Variants in RBFOX1 observed in about 807,000 individuals in gnomAD.
RBFOX1 encodes RNA binding fox-1 homolog 1.
A neutral mutation model predicts 57.7 loss-of-function variants in RBFOX1; 8 were observed. The ratio of observed to expected loss-of-function variants is 0.14; its 90% CI spans 0.08 to 0.25. RBFOX1 has a LOEUF of 0.25. RBFOX1 is among the 10% of genes least tolerant of loss of function. The probability of loss-of-function intolerance (pLI) is 1.00; values close to 1 mark genes in which losing one functional copy is unlikely to be tolerated. For synonymous variants in RBFOX1, 326 were observed against 222.4 expected (o/e 1.47, Z -4.15); for missense variants, 611 against 548.5 (o/e 1.11, Z -1.14).
At chr16:6,529,716 G>C (rs756617759) in intron 2 of RBFOX1, among the ~76,000 whole-genome samples, 45 of 152,086 alleles carry the variant, frequency 3.0e-4, no homozygotes, top group Non-Finnish European at 5.9e-5. Flanking sequence ...TAATTGCATA[G>C]ACTCCACAAC....
chr16:6,859,152 T>TATACATATAC (rs1491258507), intron 3 of RBFOX1, among the ~76,000 whole-genome samples: 1 of 77,142 alleles, frequency 1.3e-5, no homozygotes, highest in African/African-American at 6.6e-5. Context: ...TATATATATA[T>TATACATATAC]GTATATATAT....
chr16:7,612,284 G>A (rs570747943), intron 10 of RBFOX1, among the ~76,000 whole-genome samples: 1 of 134,654 alleles, frequency 7.4e-6, no homozygotes, highest in African/African-American at 3.0e-5. Context: ...TCGCGCCACT[G>A]CACTCCAGCC....
chr16:7,221,158 C>T (rs2092697910), intron 4 of RBFOX1, among the ~76,000 whole-genome samples: 1 of 152,032 alleles, frequency 6.6e-6, no homozygotes, highest in Admixed American at 6.6e-5. Flanking sequence ...TCTATAATAT[C>T]TCCCTGTGTA....
intron 2 of RBFOX1, among the ~76,000 whole-genome samples, chr16:6,362,437 G>A (rs2088740985): frequency 2.0e-5 from 3 of 152,250 alleles, no homozygotes; most frequent in South Asian, 2.1e-4. Context: ...TCAGGGGTTC[G>A]GAGACTTAGG....
chr16:6,567,388 G>C (rs572279204), intron 2 of RBFOX1, among the ~76,000 whole-genome samples: 3 of 152,122 alleles, frequency 2.0e-5, no homozygotes, highest in South Asian at 2.1e-4. Context: ...GCTCAGGTTC[G>C]TTTGGTCTTT....
At chr16:7,096,644 G>C (rs1460815019) in intron 4 of RBFOX1, among the ~76,000 whole-genome samples, 2 of 151,858 alleles carry the variant, frequency 1.3e-5, no homozygotes, top group Admixed American at 1.3e-4. Context: ...AGTAAAACGG[G>C]GACTGAGTTG....
intron 3 of RBFOX1, among the ~76,000 whole-genome samples, chr16:7,029,507 G>A (rs946112521): frequency 6.6e-6 from 1 of 151,876 alleles, no homozygotes; most frequent in African/African-American, 2.4e-5. Flanking sequence ...TGGTGAAGCA[G>A]AATGAAGAGA....
At chr16:7,402,232 A>G (rs1018022805) in intron 4 of RBFOX1, among the ~76,000 whole-genome samples, 2 of 152,246 alleles carry the variant, frequency 1.3e-5, no homozygotes, top group African/African-American at 4.8e-5. Context: ...CTGAAGACTC[A>G]CCTGTAAGGG....
chr16:6,344,090 CTGT>C (rs2084955454), intron 2 of RBFOX1, among the ~76,000 whole-genome samples: 3 of 152,186 alleles, frequency 2.0e-5, no homozygotes. Context: ...ATCATGGAAA[CTGT>C]TGTTGGAGGA....
chr16:6,488,583 C>T (rs893250899), intron 2 of RBFOX1, among the ~76,000 whole-genome samples: 36 of 152,110 alleles, frequency 2.4e-4, no homozygotes, highest in Admixed American at 2.3e-3. Context: ...AGTGATTAGA[C>T]TGCAAATTTT....
At chr16:7,195,849 A>G (rs115025944) in intron 4 of RBFOX1, among the ~76,000 whole-genome samples, 1,764 of 152,216 alleles carry the variant, frequency 0.012, 37 homozygotes, top group African/African-American at 0.04. Context: ...CACTGTGCCC[A>G]GCTCGATGCT....
At chr16:5,642,051 G>T (rs2048895167) in intron 3 of RBFOX1, among the ~76,000 whole-genome samples, 2 of 152,200 alleles carry the variant, frequency 1.3e-5, no homozygotes, top group Non-Finnish European at 2.9e-5. Flanking sequence ...TGAGGAGCAA[G>T]ACTGGGAGGA....
At chr16:6,758,808 A>G (rs1236808653) in intron 3 of RBFOX1, among the ~76,000 whole-genome samples, 2 of 152,166 alleles carry the variant, frequency 1.3e-5, no homozygotes, top group Admixed American at 6.5e-5. Context: ...TCTCTTAGAA[A>G]TTTCTTAAAA....
At chr16:6,023,811 A>G (rs1234903119) in intron 1 of RBFOX1, among the ~76,000 whole-genome samples, 1 of 152,178 alleles carries the variant, frequency 6.6e-6, no homozygotes, top group African/African-American at 2.4e-5. Context: ...TCAAACACCG[A>G]GGCGACGTTT....
chr16:7,470,288 C>G (rs182960965), intron 4 of RBFOX1, among the ~76,000 whole-genome samples: 138 of 152,292 alleles, frequency 9.1e-4, no homozygotes, highest in Admixed American at 1.6e-3. Context: ...TGCAGGTGCC[C>G]TGCCAGTAAG....
At chr16:6,978,565 C>T (rs2087755105) in intron 3 of RBFOX1, among the ~76,000 whole-genome samples, 1 of 131,768 alleles carries the variant, frequency 7.6e-6, no homozygotes, top group African/African-American at 2.8e-5. Flanking sequence ...CATAGAGCCC[C>T]TTTCTCCTTT....
At chr16:5,833,979 C>T (rs1243513843) in intron 3 of RBFOX1, among the ~76,000 whole-genome samples, 6 of 152,186 alleles carry the variant, frequency 3.9e-5, no homozygotes, top group African/African-American at 1.4e-4. Flanking sequence ...CTTAATTGAC[C>T]TGAGCCCCCT....
At chr16:6,426,319 G>A (rs2093927440) in intron 2 of RBFOX1, among the ~76,000 whole-genome samples, 2 of 152,088 alleles carry the variant, frequency 1.3e-5, no homozygotes, top group Admixed American at 6.6e-5. Context: ...AGGGAGAAGG[G>A]AGAGACAGAA....
At chr16:7,246,731 C>G (rs985226839) in intron 4 of RBFOX1, among the ~76,000 whole-genome samples, 12 of 146,176 alleles carry the variant, frequency 8.2e-5, no homozygotes, top group Non-Finnish European at 1.6e-4. Context: ...GTTGTGCTGA[C>G]TGCGGTGGTA....
Sources: gnomAD v4.1 joint callset for allele counts (sites outside exome capture counted in the v4.1 genomes callset) on GRCh38, gnomAD v4.1.1 for gene constraint, MANE v1.5 for transcripts, NCBI Gene and HGNC (gene_info 2026-07-23, HGNC 2026-07-21) for gene names.